The following HMCES variants were observed in gnomAD, a reference collection of about 807,000 sequenced individuals.
The protein encoded by HMCES is 5-hydroxymethylcytosine binding, ES cell specific.
A neutral mutation model predicts 35.1 loss-of-function variants in HMCES; 27 were observed. The ratio of observed to expected loss-of-function variants is 0.77; its 90% CI spans 0.57 to 1.06. The LOEUF (loss-of-function observed/expected upper bound fraction) is 1.06. HMCES is among the 50% of genes least tolerant of loss of function. The pLI is 0.00. For missense variants in HMCES, 391 were observed against 430.4 expected, an observed-to-expected ratio of 0.91 and a Z score of 0.81; for synonymous variants, 130 against 154.7, an observed-to-expected ratio of 0.84 and a Z score of 1.18.
At chr3:129,301,510 A>G (rs1438461415) in intron 5 of HMCES, among the ~76,000 whole-genome samples, 1 of 152,222 alleles carries the variant, frequency 6.6e-6, no homozygotes, top group African/African-American at 2.4e-5. Context: ...ACCAGGAGTC[A>G]TGTTTGACAG....
In HMCES at chr3:129,298,469, A is replaced by C; in HGVS notation, c.569A>C (p.Asp190Ala). The C allele has an allele frequency of 6.2e-7, 1 of 1,614,118 alleles. No individual in the cohort carries two copies. The highest frequency in any genetic ancestry group is 8.5e-7 in the Non-Finnish European group (1 of 1,180,024). The change falls in exon 5 of 7, where the codon GAT becomes GCT. Residue 190 changes from aspartate (D) to alanine (A), a missense_variant. Asp to Ala is a moderately radical substitution (Grantham distance 126). Transcript: ENST00000383463. Reference protein sequence around the residue: ...FDCWEPPEGGDVLYSYTIITV... With the variant: ...FDCWEPPEGGAVLYSYTIITV... ...TGCTGGGAGCCCCCAGAGGGAGGAG[A>C]TGTCCTGTATTCCTATACCATCATC... is the stretch of plus-strand genomic sequence containing the variant.
At chr3:129,287,364 C>T (rs1199368934) in intron 2 of HMCES, among the ~76,000 whole-genome samples, 1 of 151,906 alleles carries the variant, frequency 6.6e-6, no homozygotes, top group Non-Finnish European at 1.5e-5. Context: ...GCTGGAACTA[C>T]AGGTGCATGC....
At chr3:129,286,357 T>C (rs946996922) in intron 2 of HMCES, among the ~76,000 whole-genome samples, 2 of 152,190 alleles carry the variant, frequency 1.3e-5, no homozygotes, top group Non-Finnish European at 2.9e-5. Context: ...AACCAGAAAG[T>C]GGGCCCTCAC....
chr3:129,284,424 T>C (rs573660946), intron 2 of HMCES, among the ~76,000 whole-genome samples: 1 of 152,360 alleles, frequency 6.6e-6, no homozygotes, highest in East Asian at 1.9e-4. Flanking sequence ...TTAAATTAGA[T>C]GTCTTTAAAC....
At chr3:129,296,850 C>T (rs999994588) in intron 4 of HMCES, among the ~76,000 whole-genome samples, 2 of 151,920 alleles carry the variant, frequency 1.3e-5, no homozygotes, top group Non-Finnish European at 2.9e-5. Flanking sequence ...CTGCAAGCTC[C>T]GCCTCAGCCT....
In HMCES at chr3:129,304,977, T is replaced by A; in HGVS notation, c.*152T>A. ...CTCATGTAGTCTTTTTTGCCATGAG[T>A]AGGAGCCCCTAGTGGGGCTGGTGGA... On this transcript the variant is annotated 3_prime_UTR_variant, in exon 7 of 7. Transcript: ENST00000383463. 2 of 641,950 alleles carry A rather than the reference T, an allele frequency of 3.1e-6. No homozygotes were observed. Among genetic ancestry groups the A allele is most frequent in the Non-Finnish European group, 5.4e-6 (2 of 372,094 alleles). 39.8% of individuals were successfully genotyped at this position (641,950 alleles called of 1,614,324 possible).
At chr3:129,297,137 C>G (rs758382009) in intron 4 of HMCES, among the ~76,000 whole-genome samples, 12 of 152,148 alleles carry the variant, frequency 7.9e-5, no homozygotes, top group Non-Finnish European at 1.6e-4. Context: ...CAGCCCTCCT[C>G]TCTTCAGTTG....
chr3:129,287,845 G>A (rs773995904), intron 2 of HMCES, among the ~76,000 whole-genome samples: 9 of 152,134 alleles, frequency 5.9e-5, no homozygotes, highest in Middle Eastern at 3.4e-3. Context: ...GGATCACAAG[G>A]TCAGGAGTTC....
At chr3:129,294,354 C>T (rs1174275598) in intron 4 of HMCES, among the ~76,000 whole-genome samples, 2 of 152,050 alleles carry the variant, frequency 1.3e-5, no homozygotes, top group Non-Finnish European at 2.9e-5. Context: ...ACCCGGGAGG[C>T]GGAGCTTGCA....
At chr3:129,288,832 C>G in intron 2 of HMCES, 22 bp from the exon 3 acceptor site, 1 of 1,482,808 alleles carries the variant, frequency 6.7e-7, no homozygotes, top group Non-Finnish European at 9.1e-7. Flanking sequence ...GATCTCCTCA[C>G]TAGATCTTCT....
At chr3:129,283,062 C>T (rs760818335) in intron 2 of HMCES, among the ~76,000 whole-genome samples, 1 of 152,024 alleles carries the variant, frequency 6.6e-6, no homozygotes, top group Non-Finnish European at 1.5e-5. Flanking sequence ...CGTTGTAGAG[C>T]GTTTAGCAAC....
rs1436488247 is a variant in HMCES, at chr3:129,305,514, C to T, written c.*689C>T. On this transcript the variant is annotated 3_prime_UTR_variant, in exon 7 of 7. Transcript: ENST00000383463. ...TCTGAATCCTTTAGCTTCAAACCAG[C>T]CTGAGTTTGAGTGCTTGCCGTAGCA... 6.6e-6 allele frequency: 1 copy of T among 152,132 alleles called. No homozygotes were observed. Among genetic ancestry groups the T allele is most frequent in the Non-Finnish European group, 1.5e-5 (1 of 68,040 alleles). 9.4% of individuals were successfully genotyped at this position (152,132 alleles called of 1,614,324 possible).
At chr3:129,297,619 T>C (rs2071110297) in intron 4 of HMCES, among the ~76,000 whole-genome samples, 1 of 152,146 alleles carries the variant, frequency 6.6e-6, no homozygotes. Context: ...CTAGGGATTC[T>C]GTACTATCCT....
chr3:129,279,835 C>T lies in HMCES; in HGVS notation c.103C>T (p.Pro35Ser). 6.2e-7 allele frequency: 1 copy of T among 1,613,608 alleles called. No individual in the cohort carries two copies. The highest frequency in any genetic ancestry group is 8.5e-7 in the Non-Finnish European group (1 of 1,179,828). ...GCAGCGGCTCCCGGAGTGGAGGGAC[C>T]CTGATAAGTACTGCCCCTCTTACAA... is the stretch of plus-strand genomic sequence containing the variant. ...GQQRLPEWRD[P>S]DKYCPSYNKS... The change falls in exon 2 of 7, where the codon CCT becomes TCT. Residue 35 changes from proline (P) to serine (S), a missense_variant. Physicochemically the swap from Pro to Ser is moderately conservative, Grantham distance 74. Transcript: ENST00000383463. This position sits in a 1 kb window ranked among gnomAD's most constrained non-coding sequence, Gnocchi z 4.2.
rs1376525278 is a variant in HMCES, at chr3:129,285,737, G to A, written c.184-3117G>A. Among the ~76,000 whole-genome samples, 5 of 149,098 alleles carry A rather than the reference G, an allele frequency of 3.4e-5. No homozygotes were observed. The East Asian group carries it at 7.9e-4, about 23-fold the overall frequency. On this transcript the variant is annotated intron_variant, in intron 2 of 6. Coordinates refer to ENST00000383463, the MANE Select transcript of HMCES (RefSeq NM_020187.3). The stretch of plus-strand genomic sequence containing the variant: ...GCTAGGATTACAGGCATGAGCCACC[G>A]CGCCCGGCCCAGGATTTTTTTTTTT...
At chr3:129,292,019 TG>T (rs2107691615) in intron 4 of HMCES, among the ~76,000 whole-genome samples, 1 of 152,186 alleles carries the variant, frequency 6.6e-6, no homozygotes, top group African/African-American at 2.4e-5. Flanking sequence ...GAGGTTGCAG[TG>T]AGCTGAGGTC....
rs796312262 is a variant in HMCES, at chr3:129,285,751, A to AT, written c.184-3090dup. The stretch of plus-strand genomic sequence containing the variant: ...CATGAGCCACCGCGCCCGGCCCAGG[A>AT]TTTTTTTTTTTTTCCATCAGAGTCA... On this transcript the variant is annotated intron_variant, in intron 2 of 6. Coordinates refer to ENST00000383463, the MANE Select transcript of HMCES (RefSeq NM_020187.3). Among the ~76,000 whole-genome samples, 1,285 of 139,348 alleles carry AT rather than the reference A, an allele frequency of 9.2e-3. 18 individuals carry two copies. The highest frequency in any genetic ancestry group is 0.03 in the African/African-American group (1,121 of 37,740). 91.4% of individuals were successfully genotyped at this position (139,348 alleles called of 152,430 possible). A position where few individuals can be genotyped will look rare whatever the true frequency, so the allele number is the denominator to read the frequency against.
intron 6 of HMCES, among the ~76,000 whole-genome samples, chr3:129,302,639 C>T (rs2071183560): frequency 1.3e-5 from 2 of 152,030 alleles, no homozygotes; most frequent in Non-Finnish European, 2.9e-5. Context: ...ATCACTTGAA[C>T]CTGGGAGGTG....
chr3:129,280,541 C>T (rs968918367), intron 2 of HMCES, among the ~76,000 whole-genome samples: 1 of 152,100 alleles, frequency 6.6e-6, no homozygotes, highest in Admixed American at 6.5e-5. Context: ...ATTTCTATGC[C>T]CTTTACCAGG....
Sources: allele counts gnomAD v4.1 joint callset (sites outside exome capture counted in the v4.1 genomes callset), GRCh38; gene constraint gnomAD v4.1.1; non-coding constraint Gnocchi (gnomAD v3.1); transcripts MANE v1.5; gene names NCBI Gene and HGNC (gene_info 2026-07-23, HGNC 2026-07-21).